Variants in SPIRE1 observed in about 807,000 individuals in gnomAD.
SPIRE1 encodes protein spire homolog 1.
In SPIRE1, 40 loss-of-function variants were observed where a neutral mutation model predicts 94.1. The observed-to-expected ratio is 0.43, with a 90% CI of 0.33 to 0.55. The LOEUF (loss-of-function observed/expected upper bound fraction) is 0.55, where lower values mean the gene tolerates loss of function less well. Ranked by LOEUF, SPIRE1 falls within the 20% of genes least tolerant of loss-of-function variation. The pLI, the probability that SPIRE1 is intolerant of heterozygous loss-of-function variation, is 0.06. For missense variants in SPIRE1, 838 were observed against 975.2 expected (o/e 0.86, Z 1.87); for synonymous variants, 376 against 371.7 (o/e 1.01, Z -0.13).
intron 9 of SPIRE1, among the ~76,000 whole-genome samples, chr18:12,482,102 G>A (rs867495367): frequency 6.6e-6 from 1 of 152,132 alleles, no homozygotes; most frequent in Non-Finnish European, 1.5e-5. Flanking sequence ...GAATAGCACT[G>A]TATGCATACC....
intron 10 of SPIRE1, among the ~76,000 whole-genome samples, chr18:12,468,613 C>T (rs1415412504): frequency 6.6e-6 from 1 of 152,184 alleles, no homozygotes; most frequent in Non-Finnish European, 1.5e-5. Context: ...CGAGAGGCTT[C>T]ACTATGCCCA....
At chr18:12,481,271 GAAC>G (rs912232575) in intron 9 of SPIRE1, among the ~76,000 whole-genome samples, 3 of 151,660 alleles carry the variant, frequency 2.0e-5, no homozygotes, top group East Asian at 1.9e-4. Context: ...TCAAAAAAAA[GAAC>G]AACCCCCGCC....
At chr18:12,478,300 GGTGT>G (rs992195122) in intron 10 of SPIRE1, among the ~76,000 whole-genome samples, 4 of 151,488 alleles carry the variant, frequency 2.6e-5, no homozygotes, top group African/African-American at 9.7e-5. Context: ...GTGAAGCTGG[GGTGT>G]GTATGTGTGT....
chr18:12,576,581 CAAAAAAAA>C (rs762895518), intron 2 of SPIRE1, among the ~76,000 whole-genome samples: 1 of 31,012 alleles, frequency 3.2e-5, no homozygotes, highest in African/African-American at 1.1e-4. Context: ...GACTCCATCT[CAAAAAAAA>C]AAAAAAAAAA....
chr18:12,548,356 G>A (rs1164147426), intron 2 of SPIRE1, among the ~76,000 whole-genome samples: 1 of 152,162 alleles, frequency 6.6e-6, no homozygotes, highest in East Asian at 1.9e-4. Context: ...GAGAGTCATT[G>A]ACTAGCTCTT....
rs1345452411 is a variant in SPIRE1, at chr18:12,549,436, G to GTTTT, written c.373-2533_373-2532insAAAA. 3.1e-3 allele frequency among the ~76,000 whole-genome samples: 160 copies of GTTTT among 51,912 alleles called. 1 individual carries two copies. The highest frequency in any genetic ancestry group is 4.3e-3 in the Non-Finnish European group (116 of 26,810). 34.1% of individuals were successfully genotyped at this position (51,912 alleles called of 152,430 possible). Reference sequence around the variant, plus strand: ...TTGCTTTTTGTTTGTTTTTGTTATTGTTGTTTTTTTTTTTTTTTTTTTTTT... The same window carrying GTTTT: ...TTGCTTTTTGTTTGTTTTTGTTATTGTTTTTTGTTTTTTTTTTTTTTTTTTTTTT... On this transcript the variant is annotated intron_variant, in intron 2 of 16. Coordinates refer to ENST00000409402, the MANE Select transcript of SPIRE1 (RefSeq NM_001128626.2).
chr18:12,457,364 G>A (rs1370198914), intron 12 of SPIRE1, among the ~76,000 whole-genome samples: 3 of 152,166 alleles, frequency 2.0e-5, no homozygotes, highest in East Asian at 1.9e-4. Flanking sequence ...ATATTAATTC[G>A]ACATCTCCAA....
chr18:12,497,574 A>G (rs1032628861), intron 6 of SPIRE1, among the ~76,000 whole-genome samples: 2 of 151,978 alleles, frequency 1.3e-5, no homozygotes, highest in African/African-American at 4.8e-5. Flanking sequence ...CCTCTCCCCC[A>G]GTCCTGAATG....
chr18:12,451,345 G>C (rs531129024), intron 16 of SPIRE1, among the ~76,000 whole-genome samples: 1 of 152,294 alleles, frequency 6.6e-6, no homozygotes, highest in South Asian at 2.1e-4. Context: ...ATTCCAAGGA[G>C]CTGGAGATAA....
intron 5 of SPIRE1, among the ~76,000 whole-genome samples, chr18:12,508,905 C>T (rs1427612642): frequency 1.3e-5 from 2 of 152,300 alleles, no homozygotes; most frequent in East Asian, 3.9e-4. Flanking sequence ...GAACTCCTGA[C>T]CTCAAGTGAT....
At chr18:12,500,144 G>C (rs2033605345) in intron 6 of SPIRE1, among the ~76,000 whole-genome samples, 2 of 152,102 alleles carry the variant, frequency 1.3e-5, no homozygotes, top group Non-Finnish European at 2.9e-5. Context: ...AGGTTGGGAG[G>C]GGGGTCAGGG....
chr18:12,565,060 A>T (rs1431125827), intron 2 of SPIRE1, among the ~76,000 whole-genome samples: 1 of 152,212 alleles, frequency 6.6e-6, no homozygotes, highest in Non-Finnish European at 1.5e-5. Context: ...TCAGACATCA[A>T]ACTACAGGTC....
intron 7 of SPIRE1, 82 bp downstream of exon 7, chr18:12,495,934 G>T: frequency 5.8e-6 from 6 of 1,039,556 alleles, no homozygotes; most frequent in Non-Finnish European, 7.3e-6. Flanking sequence ...ACCTAGGAAA[G>T]CTGAGTTCTA....
At chr18:12,469,063 C>T (rs1233745149) in intron 10 of SPIRE1, among the ~76,000 whole-genome samples, 4 of 151,752 alleles carry the variant, frequency 2.6e-5, no homozygotes, top group African/African-American at 9.7e-5. Context: ...AACCCTGTCT[C>T]GAAAATAAAA....
intron 2 of SPIRE1, among the ~76,000 whole-genome samples, chr18:12,557,713 A>AATATAT (rs151266769): frequency 4.9e-4 from 72 of 146,966 alleles, no homozygotes; most frequent in African/African-American, 1.2e-3. Flanking sequence ...ACAATATACA[A>AATATAT]ATATATATAT....
chr18:12,625,251 C>T (rs894286766), intron 2 of SPIRE1, among the ~76,000 whole-genome samples: 7 of 152,202 alleles, frequency 4.6e-5, no homozygotes, highest in African/African-American at 9.7e-5. Flanking sequence ...CCTCTGAGGA[C>T]GTACAAACTG....
chr18:12,529,336 T>A (rs1197212729), intron 4 of SPIRE1, among the ~76,000 whole-genome samples: 1 of 148,770 alleles, frequency 6.7e-6, no homozygotes, highest in Admixed American at 6.8e-5. Flanking sequence ...GCCACTGCAC[T>A]CCAGCTTAGA....
At chr18:12,527,308 A>G (rs1424816370) in intron 4 of SPIRE1, among the ~76,000 whole-genome samples, 1 of 152,174 alleles carries the variant, frequency 6.6e-6, no homozygotes, top group Non-Finnish European at 1.5e-5. Flanking sequence ...CAGCTACTTT[A>G]TTAAGGTTTG....
At position 12,657,184 on chromosome 18, in the gene SPIRE1, C is replaced by G. The variant is rs1005183221; in HGVS notation, c.337+346G>C. ...GCGTGAGGCGCACAGGCCGCTGGCC[C>G]GGAGCAGGGCCCAGCCCACCGCTCC... On this transcript the variant is annotated intron_variant, in intron 1 of 16. Coordinates refer to ENST00000409402, the MANE Select transcript of SPIRE1 (RefSeq NM_001128626.2). Among the ~76,000 whole-genome samples, 367 of 152,296 alleles carry G rather than the reference C, an allele frequency of 2.4e-3. 8 individuals carry two copies. Among genetic ancestry groups the G allele is most frequent in the Non-Finnish European group, 6.9e-4 (47 of 68,012 alleles).
Sources: allele counts gnomAD v4.1 joint callset (sites outside exome capture counted in the v4.1 genomes callset), GRCh38; gene constraint gnomAD v4.1.1; transcripts MANE v1.5; gene names NCBI Gene and HGNC (gene_info 2026-07-23, HGNC 2026-07-21).